The following SLC36A1 variants were observed in gnomAD, a reference collection of about 807,000 sequenced individuals.
The protein encoded by SLC36A1 is proton-coupled amino acid transporter 1.
A neutral mutation model predicts 47.5 loss-of-function variants in SLC36A1; 30 were observed. The observed-to-expected ratio is 0.63, with a 90% confidence interval of 0.47 to 0.86. The LOEUF is 0.86. Among genes scored for constraint, SLC36A1 ranks in the 40% least tolerant of loss-of-function variants. The pLI is 0.00. For synonymous variants in SLC36A1, 255 were observed against 249.7 expected, an observed-to-expected ratio of 1.02 and a Z score of -0.20; for missense variants, 517 against 606.0, an observed-to-expected ratio of 0.85 and a Z score of 1.54.
At chr5:151,377,749 G>T in the SLC36A1 span, among the ~76,000 whole-genome samples, 1 of 152,132 alleles carries the variant, frequency 6.6e-6, no homozygotes, top group African/African-American at 2.4e-5. Context: ...TTCTTGAATT[G>T]ATCTCTTCAC....
At chr5:151,479,793 G>A (rs1179153863) in intron 10 of SLC36A1, 1 of 526,598 alleles carries the variant, frequency 1.9e-6, no homozygotes, top group East Asian at 3.0e-5. Flanking sequence ...TATTAAATAA[G>A]GTAAAGGTCT....
chr5:151,365,025 T>G, the SLC36A1 span, among the ~76,000 whole-genome samples: 1 of 152,168 alleles, frequency 6.6e-6, no homozygotes, highest in Admixed American at 6.5e-5. Flanking sequence ...ACAGGAGGAT[T>G]GAATGTACTT....
the SLC36A1 span, among the ~76,000 whole-genome samples, chr5:151,348,616 G>C: frequency 3.3e-5 from 5 of 152,302 alleles, no homozygotes; most frequent in East Asian, 9.6e-4. Flanking sequence ...GGACAATTTT[G>C]TATTGCTTTT....
the SLC36A1 span, among the ~76,000 whole-genome samples, chr5:151,348,043 A>T: frequency 6.6e-6 from 1 of 152,128 alleles, no homozygotes; most frequent in East Asian, 1.9e-4. Context: ...TCCATGTCTC[A>T]CTGGCTCCAC....
At chr5:151,498,182 T>C in the SLC36A1 span, among the ~76,000 whole-genome samples, 1 of 152,010 alleles carries the variant, frequency 6.6e-6, no homozygotes, top group African/African-American at 2.4e-5. Flanking sequence ...TGACCTCAGG[T>C]GATCCACCCA....
intron 10 of SLC36A1, among the ~76,000 whole-genome samples, chr5:151,480,985 G>A (rs1373664718): frequency 6.6e-6 from 1 of 152,188 alleles, no homozygotes; most frequent in African/African-American, 2.4e-5. Flanking sequence ...GGCAGTGACA[G>A]GAGCCTGACT....
the SLC36A1 span, among the ~76,000 whole-genome samples, chr5:151,540,974 T>C: frequency 6.6e-6 from 1 of 152,234 alleles, no homozygotes; most frequent in African/African-American, 2.4e-5. Flanking sequence ...TGAATGAAAT[T>C]GTCAATGCAA....
downstream of SLC36A1, among the ~76,000 whole-genome samples, chr5:151,494,948 C>G (rs1289827330): frequency 1.3e-5 from 2 of 152,110 alleles, no homozygotes; most frequent in African/African-American, 4.8e-5. Flanking sequence ...ATGAATAAAG[C>G]TGCTATAAAT....
chr5:151,485,889 G>T (rs1269676793), intron 10 of SLC36A1, among the ~76,000 whole-genome samples: 1 of 152,176 alleles, frequency 6.6e-6, no homozygotes, highest in African/African-American at 2.4e-5. Flanking sequence ...TAGTGTGAAT[G>T]AAGAACAGGA....
At chr5:151,425,047 C>T in the SLC36A1 span, among the ~76,000 whole-genome samples, 474 of 152,328 alleles carry the variant, frequency 3.1e-3, 4 homozygotes, top group African/African-American at 0.011. Context: ...CTCACATAAG[C>T]TCACCTGGCT....
At chr5:151,433,800 C>T (rs1057133125), upstream of SLC36A1, among the ~76,000 whole-genome samples, 4 of 152,010 alleles carry the variant, frequency 2.6e-5, no homozygotes, top group African/African-American at 9.7e-5. Context: ...GAGACAAATT[C>T]CGGAGCTGAG....
chr5:151,483,674 C>A (rs1343904086), intron 10 of SLC36A1, among the ~76,000 whole-genome samples: 1 of 152,072 alleles, frequency 6.6e-6, no homozygotes, highest in Non-Finnish European at 1.5e-5. Flanking sequence ...TCTGCATAGT[C>A]GATTGCTGCT....
chr5:151,525,943 T>C, the SLC36A1 span: 1 of 1,614,126 alleles, frequency 6.2e-7, no homozygotes. Context: ...CTGCAGGACT[T>C]TGCTGCCAAT....
intron 2 of SLC36A1, among the ~76,000 whole-genome samples, chr5:151,463,050 A>G (rs1340840824): frequency 6.6e-6 from 1 of 151,970 alleles, no homozygotes; most frequent in African/African-American, 2.4e-5. Context: ...TAATTTCTGT[A>G]TTTTTAGTAG....
At chr5:151,505,280 C>T in the SLC36A1 span, 3 of 481,640 alleles carry the variant, frequency 6.2e-6, no homozygotes, top group East Asian at 3.9e-5. Context: ...TCCTGTCTCT[C>T]GCCCACCCCG....
chr5:151,399,093 T>A, the SLC36A1 span, among the ~76,000 whole-genome samples: 1 of 138,784 alleles, frequency 7.2e-6, no homozygotes, highest in Non-Finnish European at 1.6e-5. Context: ...TATTTTTTTT[T>A]TTTTTTTTTT....
the SLC36A1 span, chr5:151,521,920 C>T: frequency 5.9e-5 from 95 of 1,613,764 alleles, no homozygotes; most frequent in Middle Eastern, 1.6e-4. Flanking sequence ...CTGGGGGTCT[C>T]GGTCTGTGGC....
At chr5:151,479,287 C>A in intron 9 of SLC36A1, 33 bp from the exon 10 acceptor site, 1 of 1,606,906 alleles carries the variant, frequency 6.2e-7, no homozygotes, top group Non-Finnish European at 8.5e-7. Context: ...GTGTGCTGAG[C>A]AGGCTTGGAA....
At chr5:151,503,273 A>G in the SLC36A1 span, among the ~76,000 whole-genome samples, 270 of 148,336 alleles carry the variant, frequency 1.8e-3, 9 homozygotes, top group Non-Finnish European at 2.9e-3. Flanking sequence ...TGCAACAACT[A>G]TACCATTCTG....
Sources: gnomAD v4.1 joint callset for allele counts (sites outside exome capture counted in the v4.1 genomes callset) on GRCh38, gnomAD v4.1.1 for gene constraint, MANE v1.5 for transcripts, NCBI Gene and HGNC (gene_info 2026-07-23, HGNC 2026-07-21) for gene names.